CNTLN: variants seen among roughly 807,000 people sequenced by gnomAD.
CNTLN encodes the protein centlein, also known as centlein, centrosomal protein.
In CNTLN, 212 loss-of-function variants were observed where a neutral mutation model predicts 180.0. The observed-to-expected ratio is 1.18, with a 90% CI of 1.05 to 1.32. The LOEUF (loss-of-function observed/expected upper bound fraction) is 1.32. Among genes scored for constraint, CNTLN ranks in the 40% most tolerant of loss-of-function variants. The pLI is 0.00. For synonymous variants in CNTLN, 722 were observed against 563.1 expected (o/e 1.28, Z -3.99); for missense variants, 2,095 against 1,610.9 (o/e 1.30, Z -5.14).
At chr9:17,491,111 A>G (rs1588106447) in intron 25 of CNTLN, among the ~76,000 whole-genome samples, 1 of 152,116 alleles carries the variant, frequency 6.6e-6, no homozygotes, top group South Asian at 2.1e-4. Flanking sequence ...TAAAATTATA[A>G]TAAAGGTCAT....
intron 23 of CNTLN, among the ~76,000 whole-genome samples, chr9:17,468,097 G>C (rs2134221167): frequency 6.6e-6 from 1 of 151,722 alleles, no homozygotes; most frequent in Non-Finnish European, 1.5e-5. Flanking sequence ...GCAGCAACTT[G>C]AATGGAGCTG....
At chr9:17,162,585 C>T (rs941720641) in intron 2 of CNTLN, among the ~76,000 whole-genome samples, 1 of 152,174 alleles carries the variant, frequency 6.6e-6, no homozygotes. Context: ...TAGTGGTCTT[C>T]AGGGAATCAC....
intron 9 of CNTLN, among the ~76,000 whole-genome samples, chr9:17,332,042 G>C (rs1427870846): frequency 6.6e-6 from 1 of 152,026 alleles, no homozygotes; most frequent in Admixed American, 6.6e-5. Flanking sequence ...TCTTTCTCCA[G>C]ATTGGTATAT....
chr9:17,141,677 T>G (rs915049969), intron 1 of CNTLN, among the ~76,000 whole-genome samples: 2 of 152,180 alleles, frequency 1.3e-5, no homozygotes, highest in Non-Finnish European at 2.9e-5. Context: ...GGAATTGACT[T>G]GGACTAGGGC....
chr9:17,433,560 A>G (rs1213358342), intron 18 of CNTLN, among the ~76,000 whole-genome samples: 2 of 151,986 alleles, frequency 1.3e-5, no homozygotes, highest in Admixed American at 6.6e-5. Flanking sequence ...TGCTAGGATT[A>G]CAGGCGTGAG....
intron 8 of CNTLN, among the ~76,000 whole-genome samples, chr9:17,315,199 A>T (rs1391711383): frequency 6.6e-6 from 1 of 151,870 alleles, no homozygotes; most frequent in Non-Finnish European, 1.5e-5. Flanking sequence ...CTCATTTTGT[A>T]TTTTTTGGAT....
intron 15 of CNTLN, among the ~76,000 whole-genome samples, chr9:17,406,899 A>G (rs1827436705): frequency 6.6e-6 from 1 of 151,486 alleles, no homozygotes; most frequent in Admixed American, 6.6e-5. Context: ...TCAAATCTAA[A>G]CAGTTTGTTT....
the CNTLN span, among the ~76,000 whole-genome samples, chr9:17,523,039 A>G: frequency 5.9e-5 from 9 of 152,258 alleles, no homozygotes; most frequent in Admixed American, 3.3e-4. Context: ...GGGTATGTGG[A>G]TAGGTTGGAA....
At chr9:17,202,123 T>C (rs1226292791) in intron 2 of CNTLN, among the ~76,000 whole-genome samples, 1 of 152,252 alleles carries the variant, frequency 6.6e-6, no homozygotes, top group Non-Finnish European at 1.5e-5. Context: ...GGTTGTTCAA[T>C]TCCCATGTAG....
chr9:17,368,400 C>A (rs1336542169), intron 13 of CNTLN, among the ~76,000 whole-genome samples: 1 of 152,144 alleles, frequency 6.6e-6, no homozygotes, highest in African/African-American at 2.4e-5. Context: ...ATCTCTGGAC[C>A]CACCCAGGGC....
At chr9:17,521,243 TAG>T in the CNTLN span, among the ~76,000 whole-genome samples, 1 of 90,224 alleles carries the variant, frequency 1.1e-5, no homozygotes, top group African/African-American at 3.9e-5. Context: ...TTAGAAAAGC[TAG>T]AGAGAGAGAA....
chr9:17,407,408 A>T (rs758831705), intron 15 of CNTLN, among the ~76,000 whole-genome samples: 1 of 152,154 alleles, frequency 6.6e-6, no homozygotes, highest in Non-Finnish European at 1.5e-5. Flanking sequence ...TAAATACAGA[A>T]CATCTGAATT....
the CNTLN span, among the ~76,000 whole-genome samples, chr9:17,514,214 A>G: frequency 1.3e-5 from 2 of 151,266 alleles, no homozygotes; most frequent in African/African-American, 4.9e-5. Flanking sequence ...GGAGGCTAAG[A>G]TGGGAGGATC....
At chr9:17,417,720 T>C (rs937782668) in intron 18 of CNTLN, among the ~76,000 whole-genome samples, 1 of 152,042 alleles carries the variant, frequency 6.6e-6, no homozygotes, top group Non-Finnish European at 1.5e-5. Context: ...GCATACACTA[T>C]GAGAAAAATA....
chr9:17,476,431 A>G (rs1832349673), intron 23 of CNTLN, among the ~76,000 whole-genome samples: 1 of 152,200 alleles, frequency 6.6e-6, no homozygotes, highest in Non-Finnish European at 1.5e-5. Flanking sequence ...GAAGCTAGAA[A>G]AACTTAGTGA....
intron 6 of CNTLN, among the ~76,000 whole-genome samples, chr9:17,291,106 G>T (rs1261995074): frequency 6.6e-6 from 1 of 152,142 alleles, no homozygotes; most frequent in African/African-American, 2.4e-5. Flanking sequence ...CCATGTAGTT[G>T]TGTGGTTTGA....
At chr9:17,405,620 C>T (rs2780214) in intron 15 of CNTLN, among the ~76,000 whole-genome samples, 124,423 of 151,310 alleles carry the variant, frequency 0.82, 51,808 homozygotes, top group Non-Finnish European at 0.87. Flanking sequence ...CACTGTTGCA[C>T]TGAGGATTGT....
intron 8 of CNTLN, among the ~76,000 whole-genome samples, chr9:17,325,706 C>G (rs10756867): frequency 0.57 from 86,851 of 151,542 alleles, 25,323 homozygotes; most frequent in East Asian, 0.73. Context: ...TATGTGTTGA[C>G]AGGTTTGGAA....
intron 5 of CNTLN, among the ~76,000 whole-genome samples, chr9:17,267,211 G>T (rs1450919565): frequency 6.6e-6 from 1 of 152,064 alleles, no homozygotes; most frequent in Non-Finnish European, 1.5e-5. Flanking sequence ...GCTTCCTTCA[G>T]GAGCTCTTTT....
Sources: gnomAD v4.1 joint callset for allele counts (sites outside exome capture counted in the v4.1 genomes callset) on GRCh38, gnomAD v4.1.1 for gene constraint, MANE v1.5 for transcripts, NCBI Gene and HGNC (gene_info 2026-07-23, HGNC 2026-07-21) for gene names.